Variants in CYFIP1 observed in about 807,000 individuals in gnomAD.
CYFIP1 encodes cytoplasmic FMR1 interacting protein 1, also known as cytoplasmic FMR1-interacting protein 1.
A neutral mutation model predicts 163.5 loss-of-function variants in CYFIP1; 58 were observed. That is an observed-to-expected ratio of 0.35 (90% confidence interval 0.29 to 0.44). The LOEUF (loss-of-function observed/expected upper bound fraction) is 0.44, where lower values mean the gene tolerates loss of function less well. CYFIP1 is among the 20% of genes least tolerant of loss of function. CYFIP1 has a pLI of 1.00. For synonymous variants in CYFIP1, 663 were observed against 660.7 expected, an observed-to-expected ratio of 1.00 and a Z score of -0.05; for missense variants, 1,338 against 1,653.8, an observed-to-expected ratio of 0.81 and a Z score of 3.31.
intron 11 of CYFIP1, among the ~76,000 whole-genome samples, chr15:22,931,320 G>A (rs1006632150): frequency 6.6e-6 from 1 of 152,186 alleles, no homozygotes; most frequent in African/African-American, 2.4e-5. Flanking sequence ...TGAGTGAGGA[G>A]AATGGGAGTG....
intron 26 of CYFIP1, among the ~76,000 whole-genome samples, chr15:22,878,694 A>C (rs1396327837): frequency 6.6e-6 from 1 of 151,590 alleles, no homozygotes; most frequent in Non-Finnish European, 1.5e-5. Context: ...AAAAAGTGCT[A>C]ATCATTAAAA....
At chr15:22,934,340 C>A (rs1190823125) in intron 9 of CYFIP1, among the ~76,000 whole-genome samples, 6 of 150,356 alleles carry the variant, frequency 4.0e-5, no homozygotes, top group Admixed American at 4.0e-4. Flanking sequence ...GCGCCCGCCA[C>A]CACACCCAGC....
At chr15:22,873,057 C>G in intron 29 of CYFIP1, 85 bp from the exon 30 acceptor site, 1 of 1,448,672 alleles carries the variant, frequency 6.9e-7, no homozygotes, top group Non-Finnish European at 9.5e-7. Flanking sequence ...TGTCAGTGAC[C>G]AAGCCATCTG....
At chr15:22,910,861 A>G (rs776296540) in intron 18 of CYFIP1, 48 bp from the exon 19 acceptor site, 1 of 1,491,440 alleles carries the variant, frequency 6.7e-7, no homozygotes, top group South Asian at 1.2e-5. Flanking sequence ...CTAAAGCAAG[A>G]TCAAATAACA....
intron 10 of CYFIP1, among the ~76,000 whole-genome samples, chr15:22,933,311 TTTTC>T (rs1192332236): frequency 4.6e-5 from 7 of 151,930 alleles, no homozygotes; most frequent in African/African-American, 7.3e-5. Flanking sequence ...TCAATTGTAT[TTTTC>T]TTTCTTTTTT....
intron 23 of CYFIP1, among the ~76,000 whole-genome samples, chr15:22,889,955 T>C (rs1353090565): frequency 6.6e-6 from 1 of 152,124 alleles, no homozygotes; most frequent in Non-Finnish European, 1.5e-5. Context: ...GAACACTTAC[T>C]CTAATCCTTT....
intron 1 of CYFIP1, among the ~76,000 whole-genome samples, chr15:22,948,313 C>G (rs1317022715): frequency 6.6e-6 from 1 of 151,786 alleles, no homozygotes; most frequent in Admixed American, 6.6e-5. Flanking sequence ...CTTCACACCC[C>G]AAACCCTGAG....
intron 5 of CYFIP1, among the ~76,000 whole-genome samples, chr15:22,944,048 G>A (rs1037060432): frequency 6.6e-6 from 1 of 152,016 alleles, no homozygotes; most frequent in African/African-American, 2.4e-5. Flanking sequence ...AAACCAGCTT[G>A]GCCAACATGG....
intron 3 of CYFIP1, 139 bp from the exon 4 acceptor site, chr15:22,945,078 A>G (rs2062014621): frequency 1.2e-6 from 1 of 835,284 alleles, no homozygotes; most frequent in Non-Finnish European, 2.0e-6. Context: ...GGCTGCCAGA[A>G]GCTAGTGACA....
In CYFIP1 at chr15:22,869,838, C is replaced by G; in HGVS notation, c.*190G>C. ...CAGCAGCCAATATTCTCAAGAGTTC[C>G]TAATTACCAAAAGCATATACAATTT... On this transcript the variant is annotated 3_prime_UTR_variant, in exon 31 of 31. Transcript: ENST00000617928. The G allele has an allele frequency of 2.1e-6, 1 of 469,014 alleles. No homozygotes were observed. Among genetic ancestry groups the G allele is most frequent in the East Asian group, 3.7e-5 (1 of 26,734 alleles). The allele number at this position is 469,014 out of a possible 1,614,324, so 29.1% of individuals were successfully genotyped here.
At chr15:22,963,251 A>G (rs1006526174) in intron 1 of CYFIP1, among the ~76,000 whole-genome samples, 35 of 152,114 alleles carry the variant, frequency 2.3e-4, no homozygotes. Context: ...CACACCTGTA[A>G]TCTCAGCACT....
chr15:22,956,206 C>G (rs1002339538), intron 1 of CYFIP1, among the ~76,000 whole-genome samples: 1 of 151,386 alleles, frequency 6.6e-6, no homozygotes, highest in African/African-American at 2.4e-5. Context: ...GACTCTGTCT[C>G]AAAAAAAATA....
At chr15:22,934,019 T>TAA in intron 9 of CYFIP1, 126 bp from the exon 10 acceptor site, 2 of 612,212 alleles carry the variant, frequency 3.3e-6, no homozygotes, top group Non-Finnish European at 2.8e-6. Flanking sequence ...AATGATTCAT[T>TAA]ACAAAAAAAA....
At chr15:22,928,389 TAATAAATAAATAAATAAATAAATA>T (rs200548603) in intron 11 of CYFIP1, among the ~76,000 whole-genome samples, 17 of 147,564 alleles carry the variant, frequency 1.2e-4, no homozygotes, top group Admixed American at 4.7e-4. Context: ...TCTCAAAAAA[TAATAAATAAATAAATAAATAAATA>T]AATAAATAAA....
intron 1 of CYFIP1, among the ~76,000 whole-genome samples, chr15:22,979,731 C>T (rs11635916): frequency 0.2 from 30,639 of 152,070 alleles, 3,227 homozygotes; most frequent in African/African-American, 0.24. Flanking sequence ...ATCGCGCCTC[C>T]TTAACAAAGC....
intron 16 of CYFIP1, among the ~76,000 whole-genome samples, chr15:22,916,011 T>G (rs2060964836): frequency 6.6e-6 from 1 of 152,144 alleles, no homozygotes. Flanking sequence ...GAGGACTTGA[T>G]GAGAACACGG....
intron 6 of CYFIP1, among the ~76,000 whole-genome samples, chr15:22,941,281 C>T (rs939437390): frequency 6.8e-6 from 1 of 147,506 alleles, no homozygotes; most frequent in Non-Finnish European, 1.5e-5. Context: ...AGACTGGTCT[C>T]AAATTCCTGG....
chr15:22,921,614 A>C (rs2061179911), intron 13 of CYFIP1, among the ~76,000 whole-genome samples: 1 of 151,706 alleles, frequency 6.6e-6, no homozygotes, highest in Non-Finnish European at 1.5e-5. Flanking sequence ...TCAGGAGTTC[A>C]AGACCAGCCA....
intron 1 of CYFIP1, among the ~76,000 whole-genome samples, chr15:22,952,667 A>AAAAAAAAAAAAAAAAAG (rs2062295405): frequency 7.6e-6 from 1 of 130,936 alleles, no homozygotes; most frequent in Non-Finnish European, 1.6e-5. Context: ...CTCAAAAAAA[A>AAAAAAAAAAAAAAAAAG]AAAAAAAAGG....
Sources: allele counts gnomAD v4.1 joint callset (sites outside exome capture counted in the v4.1 genomes callset), GRCh38; gene constraint gnomAD v4.1.1; transcripts MANE v1.5; gene names NCBI Gene and HGNC (gene_info 2026-07-23, HGNC 2026-07-21).